The following ETS1 variants were observed in gnomAD, a reference collection of about 807,000 sequenced individuals.
The protein encoded by ETS1 is protein C-ets-1.
In ETS1, 15 loss-of-function variants were observed where a neutral mutation model predicts 58.6. That is an observed-to-expected ratio of 0.26 (90% CI 0.17 to 0.39). ETS1 has a LOEUF of 0.39. Ranked by LOEUF, ETS1 falls within the 10% of genes least tolerant of loss-of-function variation. The pLI is 1.00. For missense variants in ETS1, 417 were observed against 610.5 expected, an observed-to-expected ratio of 0.68 and a Z score of 3.34; for synonymous variants, 214 against 218.2, an observed-to-expected ratio of 0.98 and a Z score of 0.17.
chr11:128,500,674 C>T (rs959317713), intron 3 of ETS1, among the ~76,000 whole-genome samples: 5 of 152,100 alleles, frequency 3.3e-5, no homozygotes, highest in African/African-American at 1.2e-4. Context: ...GTTTTCAACC[C>T]AGGGAAACCA....
At chr11:128,527,923 A>G (rs556087733) in intron 3 of ETS1, among the ~76,000 whole-genome samples, 2 of 152,372 alleles carry the variant, frequency 1.3e-5, no homozygotes, top group Admixed American at 6.5e-5. Flanking sequence ...TTTCATTTAA[A>G]ATGCCAAATC....
chr11:128,579,096 G>A (rs747661336), intron 1 of ETS1, among the ~76,000 whole-genome samples: 10 of 152,050 alleles, frequency 6.6e-5, no homozygotes, highest in African/African-American at 1.2e-4. Context: ...TTGCCCTCTC[G>A]TCTTCATGTT....
chr11:128,520,320 A>G (rs1863632396), intron 3 of ETS1, among the ~76,000 whole-genome samples: 1 of 152,212 alleles, frequency 6.6e-6, no homozygotes, highest in African/African-American at 2.4e-5. Flanking sequence ...TCCCAGGATG[A>G]AAGATCCCTT....
chr11:128,490,714 A>ATTT (rs35432800), intron 3 of ETS1, 138 bp from the exon 4 acceptor site: 3,858 of 328,974 alleles, frequency 0.012, 3 homozygotes, highest in South Asian at 0.022. Context: ...AGAGCAGGCA[A>ATTT]TTTTTTTTTT....
chr11:128,480,513 ACTG>A, intron 7 of ETS1, 62 bp from the exon 8 acceptor site: 2 of 1,153,402 alleles, frequency 1.7e-6, no homozygotes, highest in Non-Finnish European at 2.6e-6. Flanking sequence ...AAAAAAAAAA[ACTG>A]TAAAAACCCT....
intron 2 of ETS1, among the ~76,000 whole-genome samples, chr11:128,558,254 T>C (rs1864345503): frequency 6.6e-6 from 1 of 152,194 alleles, no homozygotes; most frequent in African/African-American, 2.4e-5. Context: ...TGATGAGCAC[T>C]GTGAAAATGT....
At chr11:128,478,674 C>T (rs1480451702) in intron 8 of ETS1, among the ~76,000 whole-genome samples, 3 of 152,210 alleles carry the variant, frequency 2.0e-5, no homozygotes, top group Non-Finnish European at 4.4e-5. Context: ...TTAAGCAGCA[C>T]ATCTCCCTTC....
At chr11:128,482,831 G>C (rs1333804948) in intron 7 of ETS1, among the ~76,000 whole-genome samples, 2 of 152,132 alleles carry the variant, frequency 1.3e-5, no homozygotes, top group Non-Finnish European at 2.9e-5. Context: ...AGCTATCTGA[G>C]TCCACCAAAC....
intron 7 of ETS1, among the ~76,000 whole-genome samples, chr11:128,483,853 G>A (rs559098555): frequency 6.6e-6 from 1 of 152,174 alleles, no homozygotes; most frequent in Admixed American, 6.5e-5. Context: ...CCTGACATCT[G>A]ACCCAAGCCC....
intron 2 of ETS1, chr11:128,572,347 G>T (rs565251596): frequency 7.2e-5 from 11 of 152,160 alleles, no homozygotes; most frequent in African/African-American, 2.4e-4. Context: ...CATTTATGAT[G>T]GCTATCTTTG....
chr11:128,495,376 C>G (rs754657699), intron 3 of ETS1, among the ~76,000 whole-genome samples: 4 of 152,066 alleles, frequency 2.6e-5, no homozygotes, highest in Non-Finnish European at 5.9e-5. Context: ...AAACTTAAAA[C>G]TATTCCAAGA....
chr11:128,541,331 C>T (rs1231171144), intron 3 of ETS1, among the ~76,000 whole-genome samples: 1 of 152,170 alleles, frequency 6.6e-6, no homozygotes, highest in Non-Finnish European at 1.5e-5. Flanking sequence ...GTCACTGACA[C>T]CCTAAACCAG....
chr11:128,522,821 C>A (rs960872069), intron 3 of ETS1, among the ~76,000 whole-genome samples: 1 of 152,186 alleles, frequency 6.6e-6, no homozygotes. Flanking sequence ...AGCGTGCAGG[C>A]AGGCGCAGGG....
At chr11:128,530,714 A>C (rs1210208231) in intron 3 of ETS1, among the ~76,000 whole-genome samples, 1 of 152,158 alleles carries the variant, frequency 6.6e-6, no homozygotes, top group Non-Finnish European at 1.5e-5. Context: ...AGAGGAAAAA[A>C]CAAAGGGCAG....
At chr11:128,467,781 T>A (rs1862077466) in intron 8 of ETS1, among the ~76,000 whole-genome samples, 1 of 152,120 alleles carries the variant, frequency 6.6e-6, no homozygotes, top group African/African-American at 2.4e-5. Context: ...TCCAGTGGCA[T>A]CACTGGGAAA....
At chr11:128,534,177 G>A (rs1863939382) in intron 3 of ETS1, among the ~76,000 whole-genome samples, 1 of 152,184 alleles carries the variant, frequency 6.6e-6, no homozygotes, top group African/African-American at 2.4e-5. Flanking sequence ...TTCTAACTCT[G>A]CTTAATAGTT....
rs961800460 is a variant in ETS1 at position 128,484,819 on chromosome 11, C to T, written c.862+4G>A. On this transcript the variant is annotated splice_donor_region_variant and intron_variant, in intron 7 of 9. Transcript: ENST00000392668. ...AGAGCTTTTAGAGAAGAAATATGAC[C>T]TACCACGACTGGTCCTCCCCATGCA... The T allele has an allele frequency of 6.2e-7, 1 of 1,611,838 alleles. No individual in the cohort carries two copies. Among genetic ancestry groups the T allele is most frequent in the Non-Finnish European group, 8.5e-7 (1 of 1,178,306 alleles).
At chr11:128,510,898 C>T (rs372503232) in intron 3 of ETS1, among the ~76,000 whole-genome samples, 3 of 152,128 alleles carry the variant, frequency 2.0e-5, no homozygotes, top group East Asian at 3.8e-4. Context: ...AAATAAGGTC[C>T]GGCCAGAGGG....
chr11:128,567,538 T>C (rs1486647663), intron 2 of ETS1, among the ~76,000 whole-genome samples: 1 of 152,182 alleles, frequency 6.6e-6, no homozygotes, highest in African/African-American at 2.4e-5. Flanking sequence ...TGAAACAACA[T>C]AGGGACCATG....
Sources: gnomAD v4.1 joint callset for allele counts (sites outside exome capture counted in the v4.1 genomes callset) on GRCh38, gnomAD v4.1.1 for gene constraint, MANE v1.5 for transcripts, NCBI Gene and HGNC (gene_info 2026-07-23, HGNC 2026-07-21) for gene names.